Variants in KLHL1 observed in about 807,000 individuals in gnomAD.
KLHL1 encodes kelch-like protein 1.
A neutral mutation model predicts 77.7 loss-of-function variants in KLHL1; 47 were observed. That is an observed-to-expected ratio of 0.60 (90% CI 0.48 to 0.77). The LOEUF (loss-of-function observed/expected upper bound fraction) is 0.77, where lower values mean the gene tolerates loss of function less well. Among genes scored for constraint, KLHL1 ranks in the 30% least tolerant of loss-of-function variants. The pLI is 0.00. For synonymous variants in KLHL1, 360 were observed against 325.2 expected (o/e 1.11, Z -1.15); for missense variants, 925 against 910.8 (o/e 1.02, Z -0.20).
chr13:69,941,041 TTGTACAATTGTA>T (rs1190609514), intron 3 of KLHL1, among the ~76,000 whole-genome samples: 1 of 152,012 alleles, frequency 6.6e-6, no homozygotes, highest in African/African-American at 2.4e-5. Flanking sequence ...ACTTGTATAA[TTGTACAATTGTA>T]TATACAATTG....
At chr13:69,867,439 G>A (rs1294486775) in intron 5 of KLHL1, among the ~76,000 whole-genome samples, 2 of 151,964 alleles carry the variant, frequency 1.3e-5, no homozygotes, top group African/African-American at 4.8e-5. Flanking sequence ...GAATAAGAAA[G>A]CTATATGCAG....
chr13:69,787,488 A>C (rs950259531), intron 7 of KLHL1, among the ~76,000 whole-genome samples: 1 of 152,256 alleles, frequency 6.6e-6, no homozygotes, highest in African/African-American at 2.4e-5. Context: ...TCCCTTCCTT[A>C]CACTTTATAC....
At chr13:69,718,299 A>C (rs1872867014) in intron 9 of KLHL1, among the ~76,000 whole-genome samples, 1 of 152,116 alleles carries the variant, frequency 6.6e-6, no homozygotes, top group Non-Finnish European at 1.5e-5. Flanking sequence ...TTGTAGTACA[A>C]ATAAAAGAGA....
At chr13:69,994,107 A>C (rs964187388) in intron 1 of KLHL1, among the ~76,000 whole-genome samples, 1 of 152,112 alleles carries the variant, frequency 6.6e-6, no homozygotes, top group Non-Finnish European at 1.5e-5. Context: ...CAGATAAAGA[A>C]CTGGGAAGCT....
chr13:69,707,687 C>T lies in KLHL1; in HGVS notation c.2125G>A (p.Asp709Asn), dbSNP rs1480299542. 2 of 1,612,796 alleles carry T rather than the reference C, an allele frequency of 1.2e-6. No individual in the cohort carries two copies. The highest frequency in any genetic ancestry group is 1.7e-6 in the Non-Finnish European group (2 of 1,179,190). The change falls in exon 10 of 11, where the codon GAT (aspartate) becomes AAT (asparagine). Residue 709 changes from aspartate (D) to asparagine (N), a missense_variant. Asp to Asn is a conservative substitution (Grantham distance 23). Transcript: ENST00000377844. ...GDRLYAVGGY[D>N]GQTYLNTMES... ...ATAGTGTTGAGGTATGTCTGTCCAT[C>T]ATAGCCACCAACAGCATATAATCTG... is the stretch of plus-strand genomic sequence containing the variant.
intron 1 of KLHL1, among the ~76,000 whole-genome samples, chr13:69,991,012 A>G (rs1435659356): frequency 6.6e-6 from 1 of 152,004 alleles, no homozygotes; most frequent in Non-Finnish European, 1.5e-5. Flanking sequence ...GCTCAAAACC[A>G]TACAATTACA....
chr13:69,846,063 T>C (rs914714575), intron 5 of KLHL1, among the ~76,000 whole-genome samples: 1 of 151,518 alleles, frequency 6.6e-6, no homozygotes, highest in African/African-American at 2.4e-5. Flanking sequence ...GATAATAATA[T>C]ACTTCTATCA....
intron 4 of KLHL1, among the ~76,000 whole-genome samples, chr13:69,915,279 T>G (rs899401951): frequency 1.3e-5 from 2 of 152,152 alleles, no homozygotes; most frequent in East Asian, 1.9e-4. Flanking sequence ...GAGCCTGCAT[T>G]GCCAAGTCAA....
At chr13:69,728,557 T>C (rs9542058) in intron 8 of KLHL1, among the ~76,000 whole-genome samples, 7,923 of 151,662 alleles carry the variant, frequency 0.052, 358 homozygotes, top group African/African-American at 0.12. Context: ...AATTCTAGCA[T>C]TTTGGGAGGC....
chr13:69,767,477 G>C (rs1875362845), intron 7 of KLHL1, among the ~76,000 whole-genome samples: 1 of 151,992 alleles, frequency 6.6e-6, no homozygotes, highest in Non-Finnish European at 1.5e-5. Context: ...TGGGAGAATG[G>C]CTTGAGGCCA....
At position 70,009,560 on chromosome 13, in the gene KLHL1, G is replaced by A. The variant is rs556852954; in HGVS notation, c.498-33758C>T. On this transcript the variant is annotated intron_variant, in intron 1 of 10. Coordinates refer to ENST00000377844, the MANE Select transcript of KLHL1 (RefSeq NM_020866.3). Reference sequence around the variant, plus strand: ...ATATTCTACTACCTTCCAGCGATGCGACTATAGGCTTCTTTGTTATTGGGT... The same window carrying A: ...ATATTCTACTACCTTCCAGCGATGCAACTATAGGCTTCTTTGTTATTGGGT... Among the ~76,000 whole-genome samples the A allele has an allele frequency of 1.5e-3, 223 of 152,188 alleles. 1 individual carries two copies. Among genetic ancestry groups the A allele is most frequent in the African/African-American group, 4.7e-3 (197 of 41,532 alleles).
chr13:69,788,498 T>C (rs1210061958), intron 7 of KLHL1, among the ~76,000 whole-genome samples: 1 of 151,654 alleles, frequency 6.6e-6, no homozygotes, highest in African/African-American at 2.4e-5. Flanking sequence ...ACATCACACT[T>C]CGGGGACTGT....
intron 4 of KLHL1, among the ~76,000 whole-genome samples, chr13:69,930,923 G>T (rs1054234741): frequency 6.6e-6 from 1 of 151,478 alleles, no homozygotes; most frequent in African/African-American, 2.4e-5. Context: ...AAAAAGCCCT[G>T]ATTTTAACTT....
intron 1 of KLHL1, among the ~76,000 whole-genome samples, chr13:69,994,326 A>T (rs1482272264): frequency 1.3e-5 from 2 of 152,092 alleles, no homozygotes; most frequent in African/African-American, 4.8e-5. Flanking sequence ...AAGAAACTTG[A>T]ACTCTTTCCT....
intron 1 of KLHL1, among the ~76,000 whole-genome samples, chr13:69,980,635 C>T (rs1327473459): frequency 1.3e-5 from 2 of 152,066 alleles, no homozygotes; most frequent in African/African-American, 2.4e-5. Flanking sequence ...GTTTAAATAT[C>T]GCTACCTTCA....
At chr13:70,064,807 C>T (rs921839660) in intron 1 of KLHL1, among the ~76,000 whole-genome samples, 6 of 152,150 alleles carry the variant, frequency 3.9e-5, no homozygotes, top group Non-Finnish European at 7.4e-5. Flanking sequence ...AAACTGAATA[C>T]TAGAAAATAT....
intron 6 of KLHL1, among the ~76,000 whole-genome samples, chr13:69,832,161 C>T (rs1399229268): frequency 2.7e-5 from 4 of 149,774 alleles, no homozygotes; most frequent in Admixed American, 6.7e-5. Flanking sequence ...GTCAAACTGT[C>T]GCTGTTCACT....
intron 8 of KLHL1, among the ~76,000 whole-genome samples, chr13:69,723,020 C>T (rs779139436): frequency 4.6e-5 from 7 of 151,938 alleles, no homozygotes; most frequent in Non-Finnish European, 1.0e-4. Flanking sequence ...CTAATATTTT[C>T]TATAACATGG....
At chr13:70,026,056 T>A (rs1052630435) in intron 1 of KLHL1, among the ~76,000 whole-genome samples, 1 of 152,104 alleles carries the variant, frequency 6.6e-6, no homozygotes, top group African/African-American at 2.4e-5. Flanking sequence ...CATCCTGAAG[T>A]TAAAGGCAAA....
Sources: allele counts gnomAD v4.1 joint callset (sites outside exome capture counted in the v4.1 genomes callset), GRCh38; gene constraint gnomAD v4.1.1; transcripts MANE v1.5; gene names NCBI Gene and HGNC (gene_info 2026-07-23, HGNC 2026-07-21).